KIF26B: variants seen among roughly 807,000 people sequenced by gnomAD.
The protein encoded by KIF26B is kinesin family member 26B.
In KIF26B, 63 loss-of-function variants were observed where a neutral mutation model predicts 151.2. The ratio of observed to expected loss-of-function variants is 0.42; its 90% confidence interval spans 0.34 to 0.51. KIF26B has a LOEUF of 0.51. Among genes scored for constraint, KIF26B ranks in the 20% least tolerant of loss-of-function variants. KIF26B has a pLI of 0.07. For synonymous variants in KIF26B, 1,357 were observed against 1,262.1 expected (o/e 1.08, Z -1.59); for missense variants, 2,813 against 2,913.6 (o/e 0.97, Z 0.79).
intron 6 of KIF26B, among the ~76,000 whole-genome samples, chr1:245,604,981 C>T (rs1418347582): frequency 2.0e-5 from 3 of 152,174 alleles, no homozygotes; most frequent in Admixed American, 6.5e-5. Context: ...CCCGAGCAGA[C>T]GTCCTTCCTG....
At chr1:245,383,054 C>G (rs981564936) in intron 3 of KIF26B, among the ~76,000 whole-genome samples, 27 of 141,470 alleles carry the variant, frequency 1.9e-4, no homozygotes, top group African/African-American at 2.4e-4. Context: ...TATATATATA[C>G]AGAGAGAGAG....
At chr1:245,299,328 T>C (rs1451492139) in intron 2 of KIF26B, among the ~76,000 whole-genome samples, 1 of 150,048 alleles carries the variant, frequency 6.7e-6, no homozygotes, top group African/African-American at 2.5e-5. Flanking sequence ...GGGTTTTTTT[T>C]TTTTTTTTTT....
At chr1:245,476,523 TTTATTTACTTAC>T (rs1374701720) in intron 4 of KIF26B, among the ~76,000 whole-genome samples, 2 of 130,054 alleles carry the variant, frequency 1.5e-5, no homozygotes, top group African/African-American at 5.6e-5. Context: ...TATTTATTTA[TTTATTTACTTAC>T]TTACTTACTT....
At chr1:245,210,751 G>A (rs1198587494) in intron 2 of KIF26B, among the ~76,000 whole-genome samples, 1 of 152,038 alleles carries the variant, frequency 6.6e-6, no homozygotes, top group African/African-American at 2.4e-5. Context: ...GGGGAGATCA[G>A]CCAGTTCCAA....
intron 4 of KIF26B, among the ~76,000 whole-genome samples, chr1:245,449,210 G>C: frequency 6.6e-6 from 1 of 152,308 alleles, no homozygotes; most frequent in South Asian, 2.1e-4. Flanking sequence ...CTTTTATTGA[G>C]CTCTCTATAT....
rs1437836708 is a variant in KIF26B, at chr1:245,572,810, T to C, written c.1351-29767T>C. On this transcript the variant is annotated intron_variant, in intron 5 of 14. Coordinates refer to ENST00000407071, the MANE Select transcript of KIF26B (RefSeq NM_018012.4). This position sits in a 1 kb window ranked among gnomAD's most constrained non-coding sequence, Gnocchi z 4.2. ...CCTGTGTGACCAAAAGCAGATCAAC[T>C]GATAAGGCCTTTTGTGGCTCAGATG... is the stretch of plus-strand genomic sequence containing the variant. Among the ~76,000 whole-genome samples the C allele has an allele frequency of 6.6e-6, 1 of 152,148 alleles. No individual in the cohort carries two copies. Among genetic ancestry groups the C allele is most frequent in the African/African-American group, 2.4e-5 (1 of 41,432 alleles).
At chr1:245,559,617 T>G (rs2042917649) in intron 5 of KIF26B, among the ~76,000 whole-genome samples, 1 of 152,184 alleles carries the variant, frequency 6.6e-6, no homozygotes, top group Non-Finnish European at 1.5e-5. Flanking sequence ...TTTCACCATG[T>G]TGGTCAGGCT....
At chr1:245,480,984 A>C (rs1660156516) in intron 4 of KIF26B, among the ~76,000 whole-genome samples, 2 of 133,268 alleles carry the variant, frequency 1.5e-5, no homozygotes, top group African/African-American at 4.9e-5. Flanking sequence ...TTCTCTCTAC[A>C]GTGTTTTATC....
At chr1:245,466,809 C>T (rs1327927822) in intron 4 of KIF26B, among the ~76,000 whole-genome samples, 1 of 152,078 alleles carries the variant, frequency 6.6e-6, no homozygotes, top group Non-Finnish European at 1.5e-5. Context: ...GCCTGTAATC[C>T]CAGCTACTTG....
chr1:245,330,631 A>G (rs1343958043), intron 2 of KIF26B, among the ~76,000 whole-genome samples: 1 of 3,256 alleles, frequency 3.1e-4, no homozygotes. Context: ...GGAGTGGGGG[A>G]GGGAGAGTGG....
At chr1:245,258,917 T>C (rs1315276010) in intron 2 of KIF26B, among the ~76,000 whole-genome samples, 1 of 152,188 alleles carries the variant, frequency 6.6e-6, no homozygotes, top group African/African-American at 2.4e-5. Context: ...GTGTGTGGCA[T>C]GCTGATCGGC....
At chr1:245,556,325 C>T (rs1662032751) in intron 5 of KIF26B, among the ~76,000 whole-genome samples, 1 of 118,300 alleles carries the variant, frequency 8.5e-6, no homozygotes, top group African/African-American at 3.3e-5. Flanking sequence ...TCTTCTTCTT[C>T]CTCCTTCTTC....
chr1:245,390,937 A>ACAAAAC (rs1345289139), intron 3 of KIF26B, among the ~76,000 whole-genome samples: 1 of 143,132 alleles, frequency 7.0e-6, no homozygotes, highest in African/African-American at 2.7e-5. Context: ...AAAAAAAAAA[A>ACAAAAC]AAAAAAAAAA....
Position 245,540,791 on chromosome 1 carries a change from T to C in KIF26B, c.1191T>C (p.Ser397=). The C allele has an allele frequency of 6.2e-7, 1 of 1,614,006 alleles. No individual in the cohort carries two copies. Among genetic ancestry groups the C allele is most frequent in the East Asian group, 2.2e-5 (1 of 44,876 alleles). ...FARAAQKLNL[S]SKKKKHRPST... ...GAGCTGCCCAGAAGTTAAATCTGTC[T>C]TCTAAAAAGAAGAAACATCGGCCTT... Residue 397 remains serine, a synonymous_variant, in exon 5 of 15, where the codon TCT becomes TCC. Coordinates refer to ENST00000407071, the MANE Select transcript of KIF26B (RefSeq NM_018012.4). The surrounding 1 kb of genome is among the most constrained non-coding windows in gnomAD (Gnocchi z 4.6).
At chr1:245,675,922 GA>G (rs1266260855) in intron 10 of KIF26B, among the ~76,000 whole-genome samples, 1 of 152,166 alleles carries the variant, frequency 6.6e-6, no homozygotes, top group East Asian at 1.9e-4. Flanking sequence ...TTTAATAGAA[GA>G]AAGAGCTTTC....
intron 2 of KIF26B, among the ~76,000 whole-genome samples, chr1:245,260,709 G>A (rs1220485528): frequency 6.6e-6 from 1 of 152,144 alleles, no homozygotes; most frequent in Admixed American, 6.5e-5. Flanking sequence ...ATGTCATGCT[G>A]GCATCTGTGT....
intron 2 of KIF26B, among the ~76,000 whole-genome samples, chr1:245,184,313 C>T (rs1668965174): frequency 6.6e-6 from 1 of 151,812 alleles, no homozygotes; most frequent in South Asian, 2.1e-4. Context: ...ACATGAGCTC[C>T]AGGCCAGGTC....
intron 2 of KIF26B, among the ~76,000 whole-genome samples, chr1:245,272,007 G>T (rs1670863290): frequency 6.6e-6 from 1 of 151,960 alleles, no homozygotes; most frequent in Admixed American, 6.6e-5. Context: ...GAGATTTTTG[G>T]TTACTGATTC....
chr1:245,441,004 G>A (rs1659065836), intron 4 of KIF26B, among the ~76,000 whole-genome samples: 2 of 152,246 alleles, frequency 1.3e-5, no homozygotes, highest in Non-Finnish European at 2.9e-5. Flanking sequence ...AAGGAGGCAA[G>A]ACAGGAAGGT....
Sources: gnomAD v4.1 joint callset for allele counts (sites outside exome capture counted in the v4.1 genomes callset) on GRCh38, gnomAD v4.1.1 for gene constraint, Gnocchi (gnomAD v3.1) non-coding constraint, MANE v1.5 for transcripts, NCBI Gene and HGNC (gene_info 2026-07-23, HGNC 2026-07-21) for gene names.